TIAM2: variants seen among roughly 807,000 people sequenced by gnomAD.
TIAM2 encodes the protein TIAM Rac1 associated GEF 2.
A neutral mutation model predicts 152.9 loss-of-function variants in TIAM2; 80 were observed. That is an observed-to-expected ratio of 0.52 (90% CI 0.44 to 0.63). The LOEUF is 0.63. Among genes scored for constraint, TIAM2 ranks in the 30% least tolerant of loss-of-function variants. The pLI is 0.00. For missense variants in TIAM2, 1,965 were observed against 2,120.1 expected (o/e 0.93, Z 1.44); for synonymous variants, 804 against 838.0 (o/e 0.96, Z 0.70).
chr6:155,133,903 G>A (rs913195906), intron 4 of TIAM2, among the ~76,000 whole-genome samples: 2 of 152,070 alleles, frequency 1.3e-5, no homozygotes, highest in African/African-American at 4.8e-5. Flanking sequence ...TTTTAGTAGA[G>A]ACGGGGTTTC....
chr6:155,216,335 C>G (rs1234878151), intron 15 of TIAM2, among the ~76,000 whole-genome samples: 12 of 152,198 alleles, frequency 7.9e-5, no homozygotes, highest in African/African-American at 2.4e-4. Context: ...CCTGGTTGAA[C>G]CTGGGCTGTT....
intron 15 of TIAM2, among the ~76,000 whole-genome samples, chr6:155,226,323 C>G (rs1361369977): frequency 1.3e-5 from 2 of 152,220 alleles, no homozygotes; most frequent in Non-Finnish European, 2.9e-5. Flanking sequence ...TCAGTAGCCC[C>G]CTTGGCTGGC....
intron 5 of TIAM2, among the ~76,000 whole-genome samples, chr6:155,143,040 T>C (rs1382184350): frequency 6.6e-6 from 1 of 152,218 alleles, no homozygotes; most frequent in Non-Finnish European, 1.5e-5. Context: ...TAAAGTACCG[T>C]GAAGTGGGCC....
intron 2 of TIAM2, among the ~76,000 whole-genome samples, chr6:155,090,785 T>A (rs142768829): frequency 2.0e-5 from 3 of 152,206 alleles, no homozygotes; most frequent in African/African-American, 7.2e-5. Flanking sequence ...AGAGAGCATA[T>A]AATTTCTAAT....
chr6:155,021,978 C>T (rs1385398016), intron 1 of TIAM2, among the ~76,000 whole-genome samples: 2 of 152,184 alleles, frequency 1.3e-5, no homozygotes, highest in Admixed American at 6.5e-5. Context: ...AAAGCTGCTT[C>T]GTGCTGTTTA....
chr6:155,250,683 G>A (rs189194685), intron 21 of TIAM2: 18 of 1,435,622 alleles, frequency 1.3e-5, no homozygotes, highest in East Asian at 7.4e-5. Context: ...CTACATGTGC[G>A]TGCACTGGAG....
chr6:155,066,948 G>C (rs768997250), intron 1 of TIAM2, among the ~76,000 whole-genome samples: 1 of 152,028 alleles, frequency 6.6e-6, no homozygotes, highest in Non-Finnish European at 1.5e-5. Context: ...ATAGAGACAG[G>C]GTTTTGCTAT....
chr6:155,129,784 T>C lies in TIAM2; in HGVS notation c.561T>C (p.Pro187=), dbSNP rs772869769. The change falls in exon 4 of 27, where the codon CCT becomes CCC. Residue 187 remains proline, a synonymous_variant. Transcript: ENST00000682666. This position sits in a 1 kb window ranked among gnomAD's most constrained non-coding sequence, Gnocchi z 4.8. The part of the protein sequence containing the change: ...FHNGGNPSKV[P]AEDCSEPVQL... ...ATGGTGGCAACCCCAGCAAAGTGCC[T>C]GCAGAGGACTGCAGTGAGCCGGTGC... The C allele has an allele frequency of 1.2e-6, 2 of 1,613,674 alleles. No homozygotes were observed. Among genetic ancestry groups the C allele is most frequent in the Non-Finnish European group, 1.7e-6 (2 of 1,180,034 alleles).
intron 14 of TIAM2, among the ~76,000 whole-genome samples, chr6:155,187,878 G>A (rs1301183858): frequency 2.0e-5 from 3 of 151,996 alleles, no homozygotes; most frequent in African/African-American, 7.3e-5. Flanking sequence ...GTGCTCGGCC[G>A]CAAGCCCCAT....
At chr6:155,153,994 A>G (rs1780040917) in intron 7 of TIAM2, among the ~76,000 whole-genome samples, 1 of 152,178 alleles carries the variant, frequency 6.6e-6, no homozygotes, top group African/African-American at 2.4e-5. Flanking sequence ...ACTTGCTTAA[A>G]ATTGCTTTTA....
chr6:155,038,953 CTTTTTTTTTT>C (rs33971396), intron 1 of TIAM2, among the ~76,000 whole-genome samples: 1 of 64,146 alleles, frequency 1.6e-5, no homozygotes, highest in African/African-American at 7.2e-5. Flanking sequence ...TGAGCATGTC[CTTTTTTTTTT>C]TTTTTTTTTT....
At chr6:155,202,664 G>A (rs1284732680) in intron 14 of TIAM2, among the ~76,000 whole-genome samples, 1 of 149,728 alleles carries the variant, frequency 6.7e-6, no homozygotes, top group Non-Finnish European at 1.5e-5. Context: ...CTGACCGCAA[G>A]CAATCCTCCT....
intron 1 of TIAM2, among the ~76,000 whole-genome samples, chr6:155,006,677 C>T (rs1256447332): frequency 6.7e-6 from 1 of 149,014 alleles, no homozygotes; most frequent in African/African-American, 2.5e-5. Context: ...CCCACCTCCC[C>T]CCACCAAAAA....
chr6:155,117,280 T>TGG (rs969144409), intron 2 of TIAM2, among the ~76,000 whole-genome samples: 2 of 151,766 alleles, frequency 1.3e-5, no homozygotes, highest in Non-Finnish European at 2.9e-5. Flanking sequence ...CTTGAAAGTG[T>TGG]GTGTGTGTTT....
chr6:155,185,417 G>A (rs1393198810), intron 14 of TIAM2, among the ~76,000 whole-genome samples: 3 of 151,778 alleles, frequency 2.0e-5, no homozygotes, highest in Admixed American at 6.6e-5. Flanking sequence ...GTAAGCAACC[G>A]CGCCCGGCTG....
chr6:155,022,640 A>G (rs1776521816), intron 1 of TIAM2: 2 of 152,228 alleles, frequency 1.3e-5, no homozygotes, highest in African/African-American at 2.4e-5. Flanking sequence ...TGATACGGGT[A>G]TTTAATGCTA....
At chr6:155,065,364 C>G (rs1364256878) in intron 1 of TIAM2, among the ~76,000 whole-genome samples, 1 of 152,064 alleles carries the variant, frequency 6.6e-6, no homozygotes, top group Non-Finnish European at 1.5e-5. Context: ...TCTTCCTGCC[C>G]CATGTGATCA....
At chr6:155,172,700 T>C (rs1317765841) in intron 9 of TIAM2, among the ~76,000 whole-genome samples, 2 of 83,088 alleles carry the variant, frequency 2.4e-5, no homozygotes, top group African/African-American at 9.4e-5. Flanking sequence ...TTTTTTTTTT[T>C]TTTTTTTTTT....
In TIAM2 at chr6:155,257,104, A is replaced by C. The variant is rs1205592092; in HGVS notation, c.5089A>C (p.Ser1697Arg). 3.1e-6 allele frequency: 5 copies of C among 1,613,232 alleles called. No homozygotes were observed. The African/African-American group carries it at 5.4e-5, about 17-fold the overall frequency. ...VSEECFYETE[S>R]HGKS Reference sequence around the variant, plus strand: ...TGAGGAGTGTTTTTATGAAACAGAGAGCCACGGAAAATCATAGTATGATTC... The same window carrying C: ...TGAGGAGTGTTTTTATGAAACAGAGCGCCACGGAAAATCATAGTATGATTC... The change falls in exon 27 of 27, where the codon AGC becomes CGC. Residue 1697 changes from serine to arginine, a missense_variant. This residue lies in a region of TIAM2 where 935 missense variants were observed against 980.0 expected (regional missense o/e 0.95). Transcript: ENST00000682666.
Sources: gnomAD v4.1 joint callset for allele counts (sites outside exome capture counted in the v4.1 genomes callset) on GRCh38, gnomAD v4.1.1 for gene constraint, gnomAD v4.1.1 regional missense constraint, Gnocchi (gnomAD v3.1) non-coding constraint, MANE v1.5 for transcripts, NCBI Gene and HGNC (gene_info 2026-07-23, HGNC 2026-07-21) for gene names.